The following SGCD variants were observed in gnomAD, a reference collection of about 807,000 sequenced individuals.
SGCD encodes sarcoglycan delta, also known as delta-sarcoglycan.
Under a neutral mutation model 36.6 loss-of-function variants are expected in SGCD, and 18 were observed. The observed-to-expected ratio is 0.49, with a 90% confidence interval of 0.34 to 0.73. The LOEUF (loss-of-function observed/expected upper bound fraction) is 0.73, where lower values mean the gene tolerates loss of function less well. Among genes scored for constraint, SGCD ranks in the 30% least tolerant of loss-of-function variants. SGCD has a pLI of 0.01. For missense variants in SGCD, 387 were observed against 346.7 expected, an observed-to-expected ratio of 1.12 and a Z score of -0.92; for synonymous variants, 133 against 130.6, an observed-to-expected ratio of 1.02 and a Z score of -0.12.
intron 3 of SGCD, among the ~76,000 whole-genome samples, chr5:156,446,898 G>A (rs1484787067): frequency 2.6e-5 from 4 of 152,118 alleles, no homozygotes; most frequent in Non-Finnish European, 5.9e-5. Flanking sequence ...TTATAGTTGA[G>A]AAAACTGAGG....
intron 3 of SGCD, among the ~76,000 whole-genome samples, chr5:156,229,300 AAAAT>A (rs1764953467): frequency 1.6e-5 from 2 of 126,180 alleles, no homozygotes; most frequent in African/African-American, 6.0e-5. Context: ...ATATATATAT[AAAAT>A]TAGTTCTTCC....
At chr5:155,967,937 A>G (rs1283956598) in intron 1 of SGCD, among the ~76,000 whole-genome samples, 1 of 152,056 alleles carries the variant, frequency 6.6e-6, no homozygotes, top group Non-Finnish European at 1.5e-5. Flanking sequence ...TCTTCCTTCA[A>G]TACATTTCAG....
intron 3 of SGCD, among the ~76,000 whole-genome samples, chr5:156,312,504 A>G (rs1051219762): frequency 6.9e-6 from 1 of 145,682 alleles, no homozygotes; most frequent in Non-Finnish European, 1.5e-5. Flanking sequence ...CTCATATAAA[A>G]TATTAAATCA....
chr5:156,707,412 A>G lies in SGCD; in HGVS notation c.576-50169A>G, dbSNP rs560714831. On this transcript the variant is annotated intron_variant, in intron 7 of 8. Transcript: ENST00000337851. ...GTGCTAGAATGTGCTTCAATTTTAC[A>G]CATTTTAATGCACTATCAGATCTTA... 8.9e-4 allele frequency among the ~76,000 whole-genome samples: 135 copies of G among 152,252 alleles called. 2 individuals carry two copies. Among genetic ancestry groups the G allele is most frequent in the South Asian group, 1.2e-3 (6 of 4,816 alleles).
At chr5:155,792,433 CAAAAA>C in the SGCD span, among the ~76,000 whole-genome samples, 1 of 92,326 alleles carries the variant, frequency 1.1e-5, no homozygotes, top group African/African-American at 4.3e-5. Context: ...TTCTACATAG[CAAAAA>C]AAAAAAAAAA....
At chr5:156,403,551 A>C (rs1772263465) in intron 3 of SGCD, among the ~76,000 whole-genome samples, 1 of 152,044 alleles carries the variant, frequency 6.6e-6, no homozygotes, top group Admixed American at 6.5e-5. Context: ...TAGGTGGAGG[A>C]ATGTTTGTGA....
rs1284957120 is a variant in SGCD, at chr5:156,458,362, C to A, written c.193-50239C>A. ...CTGTAGGTTTTGGGGGATTACTTTT[C>A]TGATATGTTTGCTTTTACCAAAAAG... On this transcript the variant is annotated intron_variant, in intron 3 of 8. Coordinates refer to ENST00000337851, the MANE Select transcript of SGCD (RefSeq NM_000337.6). 9.2e-6 allele frequency: 12 copies of A among 1,305,028 alleles called. No individual in the cohort carries two copies. The African/African-American group carries it at 1.6e-4, about 17-fold the overall frequency. 80.8% of individuals were successfully genotyped at this position (1,305,028 alleles called of 1,614,324 possible).
the SGCD span, among the ~76,000 whole-genome samples, chr5:155,842,488 G>T: frequency 6.6e-6 from 1 of 151,988 alleles, no homozygotes; most frequent in African/African-American, 2.4e-5. Context: ...CAGGAGAGTT[G>T]CTTGAACCAG....
intron 3 of SGCD, among the ~76,000 whole-genome samples, chr5:156,308,444 G>A (rs1767296611): frequency 6.6e-6 from 1 of 152,082 alleles, no homozygotes; most frequent in South Asian, 2.1e-4. Context: ...GACTACAGGT[G>A]TCTGCCACTA....
intron 1 of SGCD, among the ~76,000 whole-genome samples, chr5:155,946,663 C>T (rs1282983134): frequency 1.3e-5 from 2 of 152,124 alleles, no homozygotes; most frequent in Non-Finnish European, 2.9e-5. Context: ...TTCAGTAGTT[C>T]AAAAGTTACT....
the SGCD span, among the ~76,000 whole-genome samples, chr5:155,745,663 C>T: frequency 6.6e-6 from 1 of 151,520 alleles, no homozygotes; most frequent in Admixed American, 6.6e-5. Context: ...ATATAAAAAG[C>T]TACTACAAAA....
intron 2 of SGCD, among the ~76,000 whole-genome samples, chr5:156,343,729 A>G (rs1419293255): frequency 6.6e-6 from 1 of 152,106 alleles, no homozygotes; most frequent in East Asian, 1.9e-4. Flanking sequence ...CTCTCTCTCT[A>G]CTGTGCTTAG....
chr5:156,385,114 G>C (rs1007588293), intron 3 of SGCD, among the ~76,000 whole-genome samples: 3 of 152,226 alleles, frequency 2.0e-5, no homozygotes, highest in Non-Finnish European at 2.9e-5. Flanking sequence ...TTTAGATGGA[G>C]TGAAGTGCAG....
At chr5:156,073,499 G>T (rs997262045) in intron 1 of SGCD, among the ~76,000 whole-genome samples, 4 of 152,176 alleles carry the variant, frequency 2.6e-5, no homozygotes, top group African/African-American at 9.7e-5. Flanking sequence ...GGAGGTGGAG[G>T]CTGCAGGGAG....
chr5:156,704,968 A>G (rs1453034069), intron 7 of SGCD, among the ~76,000 whole-genome samples: 2 of 151,754 alleles, frequency 1.3e-5, no homozygotes, highest in East Asian at 1.9e-4. Flanking sequence ...TTTTTTCCCT[A>G]TTAACATCAA....
intron 3 of SGCD, among the ~76,000 whole-genome samples, chr5:156,431,200 A>G (rs976160230): frequency 3.3e-5 from 5 of 152,156 alleles, no homozygotes; most frequent in Admixed American, 2.6e-4. Flanking sequence ...GGCTATTCAG[A>G]TCAGACAGGC....
At chr5:156,348,104 C>A (rs1282833175) in intron 3 of SGCD, among the ~76,000 whole-genome samples, 2 of 151,996 alleles carry the variant, frequency 1.3e-5, no homozygotes, top group East Asian at 3.9e-4. Context: ...AATTCTCTTG[C>A]ACAAATAAAA....
At chr5:156,406,112 TGACTGTAATGTGTTCA>T (rs1392896931) in intron 3 of SGCD, among the ~76,000 whole-genome samples, 1 of 151,432 alleles carries the variant, frequency 6.6e-6, no homozygotes, top group Non-Finnish European at 1.5e-5. Context: ...AAAGATTGAA[TGACTGTAATGTGTTCA>T]GACCATGGTT....
the SGCD span, among the ~76,000 whole-genome samples, chr5:155,784,032 T>C: frequency 3.9e-5 from 6 of 152,174 alleles, no homozygotes; most frequent in Non-Finnish European, 8.8e-5. Context: ...TGAGCCACTG[T>C]AGTCAGCAAA....
Sources: gnomAD v4.1 joint callset for allele counts (sites outside exome capture counted in the v4.1 genomes callset) on GRCh38, gnomAD v4.1.1 for gene constraint, MANE v1.5 for transcripts, NCBI Gene and HGNC (gene_info 2026-07-23, HGNC 2026-07-21) for gene names.